The following EPHA3 variants were observed in gnomAD, a reference collection of about 807,000 sequenced individuals.
The protein encoded by EPHA3 is EPH receptor A3, also known as ephrin type-A receptor 3.
Under a neutral mutation model 107.1 loss-of-function variants are expected in EPHA3, and 42 were observed. That is an observed-to-expected ratio of 0.39 (90% CI 0.31 to 0.51). EPHA3 has a LOEUF of 0.51. Ranked by LOEUF, EPHA3 falls within the 20% of genes least tolerant of loss-of-function variation. The pLI is 0.78. For synonymous variants in EPHA3, 461 were observed against 424.8 expected (o/e 1.09, Z -1.05); for missense variants, 1,183 against 1,211.2 (o/e 0.98, Z 0.35).
At chr3:89,210,628 T>C in intron 3 of EPHA3, 108 bp downstream of exon 3, 1 of 1,150,298 alleles carries the variant, frequency 8.7e-7, no homozygotes, top group Non-Finnish European at 1.2e-6. Flanking sequence ...CAGGAAAACA[T>C]GCCTCAAACT....
chr3:89,456,656 C>T (rs1710103433), intron 15 of EPHA3, among the ~76,000 whole-genome samples: 1 of 152,094 alleles, frequency 6.6e-6, no homozygotes, highest in African/African-American at 2.4e-5. Context: ...GGTGGAAAAG[C>T]TGATGGTCAG....
intron 2 of EPHA3, among the ~76,000 whole-genome samples, chr3:89,151,858 C>A (rs866362660): frequency 6.6e-6 from 1 of 152,038 alleles, no homozygotes; most frequent in Non-Finnish European, 1.5e-5. Context: ...TGTGGTCTGG[C>A]ATGACCTGAA....
Position 89,471,798 on chromosome 3 carries a change from A to G in EPHA3, c.2691-666A>G, listed in dbSNP as rs1710409188. Among the ~76,000 whole-genome samples, 2 of 152,298 alleles carry G rather than the reference A, an allele frequency of 1.3e-5. 1 individual carries two copies. The highest frequency in any genetic ancestry group is 3.9e-4 in the East Asian group (2 of 5,186). On this transcript the variant is annotated intron_variant, in intron 15 of 16. Coordinates refer to ENST00000336596, the MANE Select transcript of EPHA3 (RefSeq NM_005233.6). ...GTATATATCATGTGTATATAAACAC[A>G]TTACATATATAATGTATATATCATG... is the stretch of plus-strand genomic sequence containing the variant.
chr3:89,476,963 TG>T lies in EPHA3; in HGVS notation c.2847-2432del, dbSNP rs142212243. Among the ~76,000 whole-genome samples, 374 of 152,064 alleles carry T rather than the reference TG, an allele frequency of 2.5e-3. 3 individuals are homozygous for T. Among genetic ancestry groups the T allele is most frequent in the African/African-American group, 8.5e-3 (352 of 41,460 alleles). ...TCATCTAGTCATAAAACATAGGATA[TG>T]GTATTGGAAGAAGATGAAAGAAAAA... On this transcript the variant is annotated intron_variant, in intron 16 of 16. Transcript: ENST00000336596.
At chr3:89,450,986 TAAAGAA>T (rs1224828246) in intron 15 of EPHA3, among the ~76,000 whole-genome samples, 3 of 152,086 alleles carry the variant, frequency 2.0e-5, no homozygotes, top group Admixed American at 6.6e-5. Context: ...TCATTCAAAA[TAAAGAA>T]AAAGAAATTA....
intron 13 of EPHA3, among the ~76,000 whole-genome samples, chr3:89,434,165 G>A (rs1367432704): frequency 2.6e-5 from 4 of 151,882 alleles, no homozygotes; most frequent in Admixed American, 2.6e-4. Flanking sequence ...TTAAATTTCT[G>A]GTTATTCAGT....
intron 3 of EPHA3, among the ~76,000 whole-genome samples, chr3:89,218,397 T>G (rs1432596737): frequency 6.6e-6 from 1 of 151,174 alleles, no homozygotes; most frequent in East Asian, 2.0e-4. Context: ...TTGGTTTTCT[T>G]GTCCTTGCGA....
intron 2 of EPHA3, among the ~76,000 whole-genome samples, chr3:89,188,317 C>T (rs927719383): frequency 1.3e-5 from 2 of 152,134 alleles, no homozygotes; most frequent in African/African-American, 2.4e-5. Context: ...AGTCGTCAAC[C>T]GTCACCTTGC....
At chr3:89,473,701 G>C (rs1451049352) in intron 16 of EPHA3, among the ~76,000 whole-genome samples, 2 of 152,110 alleles carry the variant, frequency 1.3e-5, no homozygotes, top group African/African-American at 4.8e-5. Flanking sequence ...AGTAGGACTG[G>C]CTCAGTCCCA....
At chr3:89,475,493 T>C (rs1710487897) in intron 16 of EPHA3, among the ~76,000 whole-genome samples, 1 of 152,238 alleles carries the variant, frequency 6.6e-6, no homozygotes, top group Non-Finnish European at 1.5e-5. Flanking sequence ...ACATGCAAGC[T>C]ACTCAAGTTA....
At chr3:89,455,695 C>G (rs1249845260) in intron 15 of EPHA3, among the ~76,000 whole-genome samples, 5 of 152,152 alleles carry the variant, frequency 3.3e-5, no homozygotes, top group Non-Finnish European at 5.9e-5. Flanking sequence ...CTTCAGAAAA[C>G]AAAAGCATTT....
At chr3:89,359,705 G>T (rs1399314600) in intron 5 of EPHA3, among the ~76,000 whole-genome samples, 3 of 143,786 alleles carry the variant, frequency 2.1e-5, no homozygotes, top group African/African-American at 5.1e-5. Context: ...GTTATATATT[G>T]TGTGTGTGTA....
chr3:89,363,198 A>T (rs1708127463), intron 5 of EPHA3, among the ~76,000 whole-genome samples: 1 of 150,816 alleles, frequency 6.6e-6, no homozygotes, highest in Non-Finnish European at 1.5e-5. Context: ...CCATTGAGAG[A>T]GAGATAGAGA....
intron 3 of EPHA3, among the ~76,000 whole-genome samples, chr3:89,300,923 G>A (rs1706471196): frequency 6.6e-6 from 1 of 152,054 alleles, no homozygotes; most frequent in Non-Finnish European, 1.5e-5. Flanking sequence ...TGATTTGTGA[G>A]ACATGGTTAT....
At chr3:89,179,417 A>G (rs1705388779) in intron 2 of EPHA3, among the ~76,000 whole-genome samples, 1 of 152,018 alleles carries the variant, frequency 6.6e-6, no homozygotes, top group African/African-American at 2.4e-5. Context: ...TTTTCATATA[A>G]TAGGATACTT....
At chr3:89,216,575 C>G (rs1704226931) in intron 3 of EPHA3, among the ~76,000 whole-genome samples, 1 of 151,966 alleles carries the variant, frequency 6.6e-6, no homozygotes, top group Admixed American at 6.6e-5. Flanking sequence ...TCTTGAAATT[C>G]CTTTTCTTTA....
intron 2 of EPHA3, among the ~76,000 whole-genome samples, chr3:89,190,049 A>G (rs1215853777): frequency 6.6e-6 from 1 of 152,216 alleles, no homozygotes; most frequent in Non-Finnish European, 1.5e-5. Flanking sequence ...AGTATTAAAC[A>G]TCCTCTATCT....
In EPHA3 at chr3:89,350,681, A is replaced by G. The variant is rs1251139724; in HGVS notation, c.1306+8591A>G. On this transcript the variant is annotated intron_variant, in intron 5 of 16. Transcript: ENST00000336596. ...GTGAGGAACTGCGTTCCTTTGGAGG[A>G]GGAGAGGCGCTCTGCGTTTTAGAGT... is the stretch of plus-strand genomic sequence containing the variant. Among the ~76,000 whole-genome samples, 726 of 150,916 alleles carry G rather than the reference A, an allele frequency of 4.8e-3. 28 individuals carry two copies. Among genetic ancestry groups the G allele is most frequent in the Non-Finnish European group, 6.5e-3 (438 of 67,462 alleles).
At chr3:89,351,322 C>A (rs944786098) in intron 5 of EPHA3, among the ~76,000 whole-genome samples, 4 of 151,304 alleles carry the variant, frequency 2.6e-5, no homozygotes, top group Non-Finnish European at 4.4e-5. Flanking sequence ...TCTCGTGGTG[C>A]GCTGTTTTTT....
Sources: allele counts gnomAD v4.1 joint callset (sites outside exome capture counted in the v4.1 genomes callset), GRCh38; gene constraint gnomAD v4.1.1; transcripts MANE v1.5; gene names NCBI Gene and HGNC (gene_info 2026-07-23, HGNC 2026-07-21).